The following WASF1 variants were observed in gnomAD, a reference collection of about 807,000 sequenced individuals.
WASF1 encodes the protein actin-binding protein WASF1.
Under a neutral mutation model 50.5 loss-of-function variants are expected in WASF1, and 7 were observed. That is an observed-to-expected ratio of 0.14 (90% CI 0.08 to 0.26). The LOEUF (loss-of-function observed/expected upper bound fraction) is 0.26, where lower values mean the gene tolerates loss of function less well. WASF1 is among the 10% of genes least tolerant of loss of function. WASF1 has a pLI of 1.00. For missense variants in WASF1, 470 were observed against 694.7 expected (o/e 0.68, Z 3.64); for synonymous variants, 205 against 244.0 (o/e 0.84, Z 1.49).
At chr6:110,121,844 C>T (rs1299060510) in intron 4 of WASF1, among the ~76,000 whole-genome samples, 2 of 152,124 alleles carry the variant, frequency 1.3e-5, no homozygotes, top group Non-Finnish European at 2.9e-5. Flanking sequence ...CCATGGAATA[C>T]TATGTAGCCA....
chr6:110,147,752 T>C (rs1302894838), intron 3 of WASF1, among the ~76,000 whole-genome samples: 1 of 152,194 alleles, frequency 6.6e-6, no homozygotes, highest in South Asian at 2.1e-4. Flanking sequence ...TATTACTGTA[T>C]TATTTTTCTT....
intron 3 of WASF1, among the ~76,000 whole-genome samples, chr6:110,134,196 G>A (rs1232445133): frequency 2.6e-5 from 4 of 152,050 alleles, no homozygotes; most frequent in African/African-American, 9.7e-5. Flanking sequence ...GGGATTACAG[G>A]TGTATGCCAC....
chr6:110,122,075 A>G (rs1774161093), intron 4 of WASF1, among the ~76,000 whole-genome samples: 1 of 152,096 alleles, frequency 6.6e-6, no homozygotes, highest in Admixed American at 6.6e-5. Context: ...AGGAAAAAAT[A>G]CCTAATGTAA....
In WASF1 at chr6:110,179,663, C is replaced by T. The variant is rs919699041; in HGVS notation, c.-496G>A. 2 of 152,346 alleles carry T rather than the reference C, an allele frequency of 1.3e-5. No homozygotes were observed. Among genetic ancestry groups the T allele is most frequent in the Non-Finnish European group, 2.9e-5 (2 of 68,042 alleles). The allele number at this position is 152,346 out of a possible 1,614,324, so 9.4% of individuals were successfully genotyped here. ...TGCTCGACGCGCGAGTGAACAACAC[C>T]GCGAGCTGCCGTTCCCCCCGCCCCC... is the stretch of plus-strand genomic sequence containing the variant. On this transcript the variant is annotated 5_prime_UTR_variant, in exon 1 of 11. Transcript: ENST00000392589.
intron 3 of WASF1, among the ~76,000 whole-genome samples, chr6:110,141,874 C>T (rs1196367586): frequency 1.3e-5 from 2 of 151,670 alleles, no homozygotes; most frequent in African/African-American, 4.8e-5. Flanking sequence ...CAGGTTCAAG[C>T]GATTCTCCTG....
chr6:110,175,842 A>G (rs1208698155), intron 2 of WASF1, among the ~76,000 whole-genome samples: 1 of 152,182 alleles, frequency 6.6e-6, no homozygotes, highest in African/African-American at 2.4e-5. Flanking sequence ...ATTTCAGGGT[A>G]CATCTGAAAC....
intron 2 of WASF1, among the ~76,000 whole-genome samples, chr6:110,166,538 C>T (rs1287731375): frequency 6.6e-6 from 1 of 151,918 alleles, no homozygotes; most frequent in East Asian, 1.9e-4. Context: ...AAATAATAAA[C>T]TAATATTGGT....
chr6:110,152,195 CAACGGAGA>C (rs1478823743), intron 3 of WASF1, among the ~76,000 whole-genome samples: 1 of 152,088 alleles, frequency 6.6e-6, no homozygotes, highest in Non-Finnish European at 1.5e-5. Context: ...CTCCAGCTGA[CAACGGAGA>C]AAGGAGGCAA....
chr6:110,119,906 A>G (rs1357758474), intron 4 of WASF1, among the ~76,000 whole-genome samples: 1 of 152,196 alleles, frequency 6.6e-6, no homozygotes, highest in Non-Finnish European at 1.5e-5. Context: ...CAATAAACGT[A>G]ATCCATCACA....
intron 4 of WASF1, among the ~76,000 whole-genome samples, chr6:110,113,663 C>T (rs140385255): frequency 0.013 from 1,935 of 152,016 alleles, 48 homozygotes; most frequent in African/African-American, 0.044. Flanking sequence ...TGAACAAAAT[C>T]GTTTAACTGT....
chr6:110,140,922 A>G (rs974389025), intron 3 of WASF1, among the ~76,000 whole-genome samples: 2 of 152,242 alleles, frequency 1.3e-5, no homozygotes, highest in Non-Finnish European at 2.9e-5. Context: ...ACCAATGAGA[A>G]GGAAGCATAT....
intron 3 of WASF1, among the ~76,000 whole-genome samples, chr6:110,129,309 A>G (rs1774555888): frequency 6.6e-6 from 1 of 152,302 alleles, no homozygotes; most frequent in East Asian, 1.9e-4. Context: ...AAAAACAAAA[A>G]AACAAACAAA....
chr6:110,121,743 A>G (rs1774138885), intron 4 of WASF1, among the ~76,000 whole-genome samples: 1 of 152,224 alleles, frequency 6.6e-6, no homozygotes, highest in South Asian at 2.1e-4. Context: ...ATGTATGTTT[A>G]TTGTGGCACT....
At chr6:110,151,275 G>C (rs1775811299) in intron 3 of WASF1, among the ~76,000 whole-genome samples, 3 of 152,142 alleles carry the variant, frequency 2.0e-5, no homozygotes, top group South Asian at 4.2e-4. Flanking sequence ...GGTAACACTT[G>C]GTATCACACA....
intron 2 of WASF1, among the ~76,000 whole-genome samples, chr6:110,171,979 T>G (rs1416902554): frequency 6.6e-6 from 1 of 152,056 alleles, no homozygotes; most frequent in Non-Finnish European, 1.5e-5. Flanking sequence ...AAAACCACAA[T>G]GAGATATCAT....
chr6:110,161,976 A>C (rs1776277356), intron 2 of WASF1, among the ~76,000 whole-genome samples: 2 of 151,594 alleles, frequency 1.3e-5, no homozygotes, highest in Admixed American at 6.6e-5. Flanking sequence ...AATGAGTTTA[A>C]ATAAATCTAA....
At position 110,155,318 on chromosome 6, in the gene WASF1, T is replaced by A. The variant is rs867563036; in HGVS notation, c.-29+5317A>T. ...CAAACTGGAACAGAAACTAAAAAGGTAGATTTGGTTAAACTATTTTGCCAT... is the reference window on the plus strand; with the variant it reads ...CAAACTGGAACAGAAACTAAAAAGGAAGATTTGGTTAAACTATTTTGCCAT... On this transcript the variant is annotated intron_variant, in intron 3 of 10. Transcript: ENST00000392589. Among the ~76,000 whole-genome samples the A allele has an allele frequency of 3.3e-5, 5 of 152,128 alleles. No homozygotes were observed. The South Asian group carries it at 1.0e-3, about 32-fold the overall frequency.
chr6:110,102,571 T>G (rs1210631313), intron 9 of WASF1, among the ~76,000 whole-genome samples: 2 of 152,182 alleles, frequency 1.3e-5, no homozygotes, highest in African/African-American at 4.8e-5. Context: ...AATGCAATTT[T>G]GTGGCAATAC....
At position 110,164,721 on chromosome 6, in the gene WASF1, C is replaced by T. The variant is rs574142423; in HGVS notation, c.-126-3989G>A. ...TGATATTTACCCAAAGAGGTGAAAA[C>T]TTACACCCATACAAAAATGTCAACA... On this transcript the variant is annotated intron_variant, in intron 2 of 10. Coordinates refer to ENST00000392589, the MANE Select transcript of WASF1 (RefSeq NM_003931.3). 1.2e-3 allele frequency among the ~76,000 whole-genome samples: 177 copies of T among 151,686 alleles called. 2 individuals are homozygous for T. The highest frequency in any genetic ancestry group is 1.4e-3 in the Non-Finnish European group (94 of 67,656).
Sources: allele counts gnomAD v4.1 joint callset (sites outside exome capture counted in the v4.1 genomes callset), GRCh38; gene constraint gnomAD v4.1.1; transcripts MANE v1.5; gene names NCBI Gene and HGNC (gene_info 2026-07-23, HGNC 2026-07-21).